The following EPB41L4B variants were observed in gnomAD, a reference collection of about 807,000 sequenced individuals.
EPB41L4B encodes erythrocyte membrane protein band 4.1 like 4B, also known as band 4.1-like protein 4B.
In EPB41L4B, 30 loss-of-function variants were observed where a neutral mutation model predicts 112.5. That is an observed-to-expected ratio of 0.27 (90% CI 0.20 to 0.36). The LOEUF (loss-of-function observed/expected upper bound fraction) is 0.36. EPB41L4B is among the 10% of genes least tolerant of loss of function. The probability of loss-of-function intolerance (pLI) is 1.00; values close to 1 mark genes in which losing one functional copy is unlikely to be tolerated. For missense variants in EPB41L4B, 1,024 were observed against 1,133.3 expected (o/e 0.90, Z 1.38); for synonymous variants, 408 against 439.7 (o/e 0.93, Z 0.90).
intron 14 of EPB41L4B, among the ~76,000 whole-genome samples, chr9:109,244,502 A>G (rs1312890222): frequency 7.8e-6 from 1 of 129,030 alleles, no homozygotes; most frequent in African/African-American, 2.9e-5. Flanking sequence ...CTGGAGTGCA[A>G]TGGCAGTATC....
At chr9:109,255,004 G>A (rs897262103) in intron 11 of EPB41L4B, among the ~76,000 whole-genome samples, 2 of 152,188 alleles carry the variant, frequency 1.3e-5, no homozygotes, top group Non-Finnish European at 2.9e-5. Flanking sequence ...TAAGCGTAAT[G>A]CCTCTGGCCC....
chr9:109,200,197 T>C (rs374251872), intron 20 of EPB41L4B, 39 bp downstream of exon 20: 29 of 1,519,308 alleles, frequency 1.9e-5, no homozygotes, highest in Non-Finnish European at 2.7e-5. Context: ...TTAGTCATCA[T>C]AGTTGTTTTA....
chr9:109,260,749 A>G lies in EPB41L4B; in HGVS notation c.631+2301T>C, dbSNP rs111477370. 9.2e-5 allele frequency among the ~76,000 whole-genome samples: 14 copies of G among 152,218 alleles called. 1 individual carries two copies. The highest frequency in any genetic ancestry group is 3.4e-4 in the African/African-American group (14 of 41,548). ...ATCTTAAAATCACACTGACATTATG[A>G]TTTCAGCTCAAAGGATAATTTCTCC... On this transcript the variant is annotated intron_variant, in intron 6 of 25. Coordinates refer to ENST00000374566, the MANE Select transcript of EPB41L4B (RefSeq NM_019114.5).
intron 8 of EPB41L4B, 55 bp downstream of exon 8, chr9:109,256,338 C>A: frequency 6.3e-7 from 1 of 1,597,250 alleles, no homozygotes; most frequent in South Asian, 1.1e-5. Context: ...GCATAATGTT[C>A]ATACATTTTT....
intron 20 of EPB41L4B, 26 bp downstream of exon 20, chr9:109,200,210 T>G: frequency 6.3e-7 from 1 of 1,579,350 alleles, no homozygotes; most frequent in Non-Finnish European, 8.7e-7. Flanking sequence ...TTGTTTTAAT[T>G]GAAAAAGTTG....
intron 11 of EPB41L4B, among the ~76,000 whole-genome samples, chr9:109,254,796 T>G (rs1030771328): frequency 3.3e-5 from 5 of 152,236 alleles, no homozygotes; most frequent in African/African-American, 1.2e-4. Context: ...AAGCTCTTGA[T>G]GTTTTCAGGC....
At chr9:109,211,255 T>C (rs1298841663) in intron 17 of EPB41L4B, among the ~76,000 whole-genome samples, 4 of 152,028 alleles carry the variant, frequency 2.6e-5, no homozygotes, top group Non-Finnish European at 5.9e-5. Context: ...GGGAGATCTG[T>C]TGCAAGGAAT....
At chr9:109,263,157 C>A (rs185074972) in intron 5 of EPB41L4B, 55 bp from the exon 6 acceptor site, 100 of 1,105,120 alleles carry the variant, frequency 9.0e-5, no homozygotes, top group Non-Finnish European at 1.2e-5. Flanking sequence ...TACAACCATA[C>A]AAAATGTCAT....
rs767003466 is a variant in EPB41L4B, at chr9:109,274,496, C to T, written c.411+5321G>A. 1.8e-4 allele frequency among the ~76,000 whole-genome samples: 28 copies of T among 152,292 alleles called. 1 individual carries two copies. In the East Asian group the frequency reaches 4.6e-3, roughly 25 times the overall value. On this transcript the variant is annotated intron_variant, in intron 2 of 25. Coordinates refer to ENST00000374566, the MANE Select transcript of EPB41L4B (RefSeq NM_019114.5). ...TGGTTCTTTAGAGGACTGAATACACCGTAGTTCAGGGGATTACTTGTCTAT... is the reference window on the plus strand; with the variant it reads ...TGGTTCTTTAGAGGACTGAATACACTGTAGTTCAGGGGATTACTTGTCTAT...
intron 1 of EPB41L4B, among the ~76,000 whole-genome samples, chr9:109,304,739 G>C (rs1034825867): frequency 1.8e-4 from 28 of 152,148 alleles, no homozygotes; most frequent in African/African-American, 6.8e-4. Flanking sequence ...AATGTAAATG[G>C]TCAATCCACT....
intron 4 of EPB41L4B, 56 bp downstream of exon 4, chr9:109,267,417 A>C: frequency 8.9e-7 from 1 of 1,117,412 alleles, no homozygotes; most frequent in Non-Finnish European, 1.4e-6. Flanking sequence ...AAGAGCCATA[A>C]ATGACATGTA....
At chr9:109,175,141 T>C (rs1231722385) in intron 25 of EPB41L4B, among the ~76,000 whole-genome samples, 2 of 151,908 alleles carry the variant, frequency 1.3e-5, no homozygotes, top group East Asian at 3.9e-4. Context: ...GGTCTCGAAC[T>C]CCTGAGCTCA....
At chr9:109,192,553 G>A (rs560226447) in intron 21 of EPB41L4B, among the ~76,000 whole-genome samples, 198 bp from the exon 22 acceptor site, 11 of 152,176 alleles carry the variant, frequency 7.2e-5, no homozygotes, top group Non-Finnish European at 1.0e-4. Flanking sequence ...GGTAGAAGTA[G>A]GCATGGTGCA....
chr9:109,184,281 G>A (rs1564249902), intron 23 of EPB41L4B, among the ~76,000 whole-genome samples: 1 of 152,182 alleles, frequency 6.6e-6, no homozygotes, highest in South Asian at 2.1e-4. Context: ...GTGCAGTGGC[G>A]CAATCTCAGC....
intron 12 of EPB41L4B, among the ~76,000 whole-genome samples, chr9:109,252,359 C>A (rs1834821057): frequency 6.6e-6 from 1 of 152,182 alleles, no homozygotes; most frequent in Non-Finnish European, 1.5e-5. Context: ...AGCGTTCTGG[C>A]CCCTTCCTCC....
chr9:109,206,573 C>T (rs1457083405), intron 18 of EPB41L4B, among the ~76,000 whole-genome samples: 1 of 152,208 alleles, frequency 6.6e-6, no homozygotes, highest in Non-Finnish European at 1.5e-5. Flanking sequence ...TGGGCTTCCA[C>T]CTGAGTGCCA....
intron 18 of EPB41L4B, among the ~76,000 whole-genome samples, chr9:109,207,563 C>CAAGA (rs1185552133): frequency 6.6e-6 from 1 of 150,822 alleles, no homozygotes; most frequent in Non-Finnish European, 1.5e-5. Context: ...CAGAGTGAGA[C>CAAGA]AAGAAAGAAA....
chr9:109,243,645 C>T lies in EPB41L4B; in HGVS notation c.1382G>A (p.Arg461Gln), dbSNP rs375528062. 7.4e-6 allele frequency: 12 copies of T among 1,614,016 alleles called. No homozygotes were observed. In the East Asian group the frequency reaches 8.9e-5, roughly 12 times the overall value. The part of the protein sequence containing the change: ...YHPNIHPSQP[R>Q]WHPHSPNVSY... ...GACATTTGGAGAGTGAGGATGCCACCGGGGCTGGCTGGGATGGATATTAGG... is the reference window on the plus strand; with the variant it reads ...GACATTTGGAGAGTGAGGATGCCACTGGGGCTGGCTGGGATGGATATTAGG... Residue 461 changes from arginine (R) to glutamine (Q), a missense_variant, in exon 15 of 26, where the codon CGG (arginine) becomes CAG (glutamine). By Grantham distance (43) the Arg-to-Gln change is conservative (BLOSUM62 1). Transcript: ENST00000374566.
chr9:109,281,291 T>C (rs1373374630), intron 1 of EPB41L4B, among the ~76,000 whole-genome samples: 1 of 151,598 alleles, frequency 6.6e-6, no homozygotes, highest in Non-Finnish European at 1.5e-5. Flanking sequence ...TACAACTAGT[T>C]CCCCCCAAAC....
Sources: gnomAD v4.1 joint callset for allele counts (sites outside exome capture counted in the v4.1 genomes callset) on GRCh38, gnomAD v4.1.1 for gene constraint, MANE v1.5 for transcripts, NCBI Gene and HGNC (gene_info 2026-07-23, HGNC 2026-07-21) for gene names.